The following SCFD2 variants were observed in gnomAD, a reference collection of about 807,000 sequenced individuals.
The protein encoded by SCFD2 is sec1 family domain containing 2, also known as sec1 family domain-containing protein 2.
Under a neutral mutation model 58.9 loss-of-function variants are expected in SCFD2, and 54 were observed. The observed-to-expected ratio is 0.92, with a 90% CI of 0.74 to 1.15. The LOEUF (loss-of-function observed/expected upper bound fraction) is 1.15. SCFD2 is among the 50% of genes most tolerant of loss of function. SCFD2 has a pLI of 0.00. For synonymous variants in SCFD2, 321 were observed against 335.9 expected (o/e 0.96, Z 0.49); for missense variants, 805 against 836.6 (o/e 0.96, Z 0.47).
At position 52,920,788 on chromosome 4, in the gene SCFD2, A is replaced by C; in HGVS notation, c.1644T>G (p.Ala548=). ...ACTGTTTCAGGAGACTCCGAGCTCC[A>C]GCAATATCCCGAAGTGAAGTAAAGA... ...DELFTSLRDI[A]GARSLLKQFK... The change falls in exon 6 of 9, where the codon GCT becomes GCG. Residue 548 remains alanine, a synonymous_variant. Transcript: ENST00000401642. 6.2e-7 allele frequency: 1 copy of C among 1,611,684 alleles called. No individual in the cohort carries two copies.
chr4:53,006,845 T>C lies in SCFD2; in HGVS notation c.1562-85975A>G, dbSNP rs564047744. Among the ~76,000 whole-genome samples, 60 of 152,116 alleles carry C rather than the reference T, an allele frequency of 3.9e-4. No homozygotes were observed. The South Asian group carries it at 0.012, about 31-fold the overall frequency. ...AGCATGGATTCAGGAACAGGCTGGG[T>C]AGAGGCCCTCACAAGTGAAGGGCAT... On this transcript the variant is annotated intron_variant, in intron 5 of 8. Coordinates refer to ENST00000401642, the MANE Select transcript of SCFD2 (RefSeq NM_152540.4).
Position 52,882,411 on chromosome 4 carries a change from C to T in SCFD2, c.1962+3336G>A, listed in dbSNP as rs534190006. 3.0e-3 allele frequency among the ~76,000 whole-genome samples: 457 copies of T among 152,248 alleles called. 4 individuals are homozygous for T. Among genetic ancestry groups the T allele is most frequent in the African/African-American group, 0.011 (439 of 41,524 alleles). On this transcript the variant is annotated intron_variant, in intron 8 of 8. Transcript: ENST00000401642. ...TATTAGAACCAAGAATGAAGCCCTCCATGACGGTTAATTGAGTGTCAACTT... is the reference window on the plus strand; with the variant it reads ...TATTAGAACCAAGAATGAAGCCCTCTATGACGGTTAATTGAGTGTCAACTT...
intron 4 of SCFD2, among the ~76,000 whole-genome samples, chr4:53,202,987 C>T (rs1328409589): frequency 6.6e-6 from 1 of 152,214 alleles, no homozygotes; most frequent in Non-Finnish European, 1.5e-5. Flanking sequence ...GGCAATTTGA[C>T]TTCCTCTTTT....
At chr4:53,172,620 T>C (rs1727213244) in intron 4 of SCFD2, among the ~76,000 whole-genome samples, 1 of 152,186 alleles carries the variant, frequency 6.6e-6, no homozygotes, top group South Asian at 2.1e-4. Context: ...CAGGAGCATG[T>C]TGTTTAACTT....
intron 4 of SCFD2, among the ~76,000 whole-genome samples, chr4:53,220,637 T>C (rs866111860): frequency 6.6e-5 from 10 of 152,330 alleles, no homozygotes; most frequent in Middle Eastern, 3.4e-3. Flanking sequence ...ACAAGAGTTT[T>C]ATAGCATTAG....
chr4:53,003,502 C>T (rs145352416), intron 5 of SCFD2, among the ~76,000 whole-genome samples: 171 of 152,288 alleles, frequency 1.1e-3, no homozygotes, highest in African/African-American at 3.9e-3. Flanking sequence ...GAATGTTCTA[C>T]GAGATACCAC....
chr4:53,035,875 C>T (rs1211846078), intron 5 of SCFD2, among the ~76,000 whole-genome samples: 2 of 151,964 alleles, frequency 1.3e-5, no homozygotes, highest in Non-Finnish European at 1.5e-5. Context: ...TACACTGTTG[C>T]TGGGAGTGTA....
intron 5 of SCFD2, among the ~76,000 whole-genome samples, chr4:52,924,209 G>C (rs1249811159): frequency 6.6e-6 from 1 of 152,034 alleles, no homozygotes; most frequent in South Asian, 2.1e-4. Flanking sequence ...TCATTAGGCT[G>C]GGTGGAATAG....
chr4:53,010,595 C>T (rs771546696), intron 5 of SCFD2, among the ~76,000 whole-genome samples: 7 of 152,196 alleles, frequency 4.6e-5, no homozygotes, highest in Non-Finnish European at 1.0e-4. Context: ...CAGTACCTGG[C>T]ACAGTTCTGG....
chr4:52,885,516 G>A (rs1718717549), intron 8 of SCFD2, among the ~76,000 whole-genome samples: 1 of 152,148 alleles, frequency 6.6e-6, no homozygotes, highest in South Asian at 2.1e-4. Context: ...TTATCAAAAT[G>A]ACCCAGTCCT....
At chr4:53,334,280 T>C (rs1733601302) in intron 2 of SCFD2, among the ~76,000 whole-genome samples, 1 of 152,140 alleles carries the variant, frequency 6.6e-6, no homozygotes, top group African/African-American at 2.4e-5. Flanking sequence ...TAAATCTTGC[T>C]GCTATAAAGA....
At chr4:53,022,065 T>C (rs964956700) in intron 5 of SCFD2, among the ~76,000 whole-genome samples, 5 of 152,172 alleles carry the variant, frequency 3.3e-5, no homozygotes, top group Non-Finnish European at 5.9e-5. Flanking sequence ...AGGTGATTTG[T>C]GTTGTTGTCA....
At chr4:53,200,211 T>C (rs912402186) in intron 4 of SCFD2, among the ~76,000 whole-genome samples, 4 of 152,138 alleles carry the variant, frequency 2.6e-5, no homozygotes, top group African/African-American at 7.2e-5. Context: ...CTTGCACTCA[T>C]GTAATAATCC....
At chr4:53,354,380 G>A (rs541177464) in intron 1 of SCFD2, among the ~76,000 whole-genome samples, 22 of 152,312 alleles carry the variant, frequency 1.4e-4, no homozygotes, top group Non-Finnish European at 2.1e-4. Context: ...TGTGGGGCGC[G>A]CCGAGCCCAC....
At chr4:52,924,834 T>A (rs1303626885) in intron 5 of SCFD2, among the ~76,000 whole-genome samples, 4 of 152,204 alleles carry the variant, frequency 2.6e-5, no homozygotes, top group Non-Finnish European at 5.9e-5. Context: ...ATTGCAGACC[T>A]GAACTTCTCC....
intron 4 of SCFD2, among the ~76,000 whole-genome samples, chr4:53,247,510 C>G (rs1187589762): frequency 6.6e-6 from 1 of 152,102 alleles, no homozygotes; most frequent in Non-Finnish European, 1.5e-5. Context: ...CAATGAAAGA[C>G]TGGATAAAGA....
intron 4 of SCFD2, among the ~76,000 whole-genome samples, chr4:53,152,137 T>C (rs533624990): frequency 4.3e-4 from 65 of 152,210 alleles, no homozygotes; most frequent in Non-Finnish European, 3.5e-4. Context: ...TTTCTGTTCA[T>C]CTGATGTAAT....
chr4:53,041,241 T>G (rs1390648299), intron 5 of SCFD2, among the ~76,000 whole-genome samples: 1 of 152,158 alleles, frequency 6.6e-6, no homozygotes. Flanking sequence ...TGCTGCAGTA[T>G]CTTATGGTGC....
chr4:53,023,366 C>T (rs189140462), intron 5 of SCFD2, among the ~76,000 whole-genome samples: 26 of 152,152 alleles, frequency 1.7e-4, no homozygotes, highest in African/African-American at 5.1e-4. Flanking sequence ...CAAAGGTACG[C>T]TTTGGAAAAA....
Sources: gnomAD v4.1 joint callset for allele counts (sites outside exome capture counted in the v4.1 genomes callset) on GRCh38, gnomAD v4.1.1 for gene constraint, MANE v1.5 for transcripts, NCBI Gene and HGNC (gene_info 2026-07-23, HGNC 2026-07-21) for gene names.